The following SESN1 variants were observed in gnomAD, a reference collection of about 807,000 sequenced individuals.
SESN1 encodes the protein sestrin-1.
Under a neutral mutation model 59.3 loss-of-function variants are expected in SESN1, and 30 were observed. That is an observed-to-expected ratio of 0.51 (90% CI 0.38 to 0.69). The LOEUF (loss-of-function observed/expected upper bound fraction) is 0.69. Among genes scored for constraint, SESN1 ranks in the 30% least tolerant of loss-of-function variants. The pLI, the probability that SESN1 is intolerant of heterozygous loss-of-function variation, is 0.00. For missense variants in SESN1, 566 were observed against 673.0 expected (o/e 0.84, Z 1.76); for synonymous variants, 197 against 219.9 (o/e 0.90, Z 0.92).
At chr6:109,055,196 G>A (rs996026363) in intron 1 of SESN1, among the ~76,000 whole-genome samples, 2 of 152,112 alleles carry the variant, frequency 1.3e-5, no homozygotes, top group Non-Finnish European at 2.9e-5. Flanking sequence ...GGGAGGGTAG[G>A]ATAACCCTGG....
intron 1 of SESN1, among the ~76,000 whole-genome samples, chr6:109,066,035 T>C (rs1780819458): frequency 6.6e-6 from 1 of 152,064 alleles, no homozygotes; most frequent in African/African-American, 2.4e-5. Flanking sequence ...CCATACTCAG[T>C]GAAAGGTAAA....
chr6:109,045,917 C>T (rs932978399), intron 1 of SESN1, among the ~76,000 whole-genome samples: 5 of 152,154 alleles, frequency 3.3e-5, no homozygotes, highest in African/African-American at 9.7e-5. Context: ...TGGAAGAACT[C>T]TGATTGAAAA....
intron 1 of SESN1, among the ~76,000 whole-genome samples, chr6:109,074,105 C>T (rs988017996): frequency 1.3e-5 from 2 of 152,152 alleles, no homozygotes; most frequent in Non-Finnish European, 2.9e-5. Flanking sequence ...TTACAATTGC[C>T]TATTCATTAC....
intron 1 of SESN1, among the ~76,000 whole-genome samples, chr6:109,037,587 T>G (rs577064106): frequency 6.6e-6 from 1 of 152,302 alleles, no homozygotes; most frequent in East Asian, 1.9e-4. Flanking sequence ...AGAATAGATT[T>G]GGAGCATCTA....
Position 109,074,559 on chromosome 6 carries a change from T to C in SESN1, c.279+19236A>G, listed in dbSNP as rs142809552. Among the ~76,000 whole-genome samples, 1,196 of 152,328 alleles carry C rather than the reference T, an allele frequency of 7.9e-3. 21 individuals carry two copies. Among genetic ancestry groups the C allele is most frequent in the African/African-American group, 0.028 (1,146 of 41,592 alleles). On this transcript the variant is annotated intron_variant, in intron 1 of 9. Coordinates refer to ENST00000436639, the MANE Select transcript of SESN1 (RefSeq NM_014454.3). The stretch of plus-strand genomic sequence containing the variant: ...CAATAGCCAAAATACATAAGAATTA[T>C]GGTTTATAAAGTGAAAAAAGACAAA...
Position 108,987,590 on chromosome 6 carries a change from G to T in SESN1, c.1610C>A (p.Ala537Glu). 1 of 1,605,084 alleles carries T rather than the reference G, an allele frequency of 6.2e-7. No homozygotes were observed. The change falls in exon 10 of 10, where the codon GCA becomes GAA. Residue 537 changes from alanine to glutamate, a missense_variant. Transcript: ENST00000436639. ...GGCTCTCAGAGCATAAAGGAGTTCTGCTTGCATCCTAGCTTCTATAAGAAG... is the reference window on the plus strand; with the variant it reads ...GGCTCTCAGAGCATAAAGGAGTTCTTCTTGCATCCTAGCTTCTATAAGAAG... ...NLLLIEARMQAELLYALRAIT... is the reference protein window; with the variant it reads ...NLLLIEARMQEELLYALRAIT...
Position 108,984,339 on chromosome 6 carries a change from A to C in SESN1, c.*3205T>G, listed in dbSNP as rs1779124215. On this transcript the variant is annotated 3_prime_UTR_variant, in exon 10 of 10. Transcript: ENST00000436639. The stretch of plus-strand genomic sequence containing the variant: ...TATAGATAACAGAAATTTATTGCTC[A>C]CAGTTTTGGAGGCTGGGAAGTCCGA... Among the ~76,000 whole-genome samples, 1 of 149,136 alleles carries C rather than the reference A, an allele frequency of 6.7e-6. No individual in the cohort carries two copies.
In SESN1 at chr6:109,029,178, T is replaced by G. The variant is rs183493145; in HGVS notation, c.280-26835A>C. Among the ~76,000 whole-genome samples, 884 of 152,232 alleles carry G rather than the reference T, an allele frequency of 5.8e-3. 3 individuals carry two copies. The highest frequency in any genetic ancestry group is 8.6e-3 in the Non-Finnish European group (586 of 67,990). ...CTAAAAGAGGAGGAATGATCCTAAA[T>G]TTTACAAAGAATTTCAAAGACCTAC... On this transcript the variant is annotated intron_variant, in intron 1 of 9. Coordinates refer to ENST00000436639, the MANE Select transcript of SESN1 (RefSeq NM_014454.3).
At chr6:109,015,304 T>C (rs1193329340) in intron 1 of SESN1, among the ~76,000 whole-genome samples, 1 of 152,154 alleles carries the variant, frequency 6.6e-6, no homozygotes, top group East Asian at 1.9e-4. Flanking sequence ...ATTTTTTCTT[T>C]GATATTTCTG....
chr6:109,009,710 G>A (rs1779821873), intron 1 of SESN1, among the ~76,000 whole-genome samples: 1 of 152,074 alleles, frequency 6.6e-6, no homozygotes, highest in Non-Finnish European at 1.5e-5. Flanking sequence ...GTCTGACGCG[G>A]CGAGGTGAAA....
At chr6:109,031,485 A>C (rs1780181429) in intron 1 of SESN1, among the ~76,000 whole-genome samples, 1 of 152,100 alleles carries the variant, frequency 6.6e-6, no homozygotes, top group Admixed American at 6.5e-5. Flanking sequence ...CCTCCCTCTG[A>C]GTTCAAGTCT....
Position 108,985,456 on chromosome 6 carries a change from T to G in SESN1, c.*2088A>C, listed in dbSNP as rs902620465. On this transcript the variant is annotated 3_prime_UTR_variant, in exon 10 of 10. Coordinates refer to ENST00000436639, the MANE Select transcript of SESN1 (RefSeq NM_014454.3). Reference sequence around the variant, plus strand: ...GGTTTCAAAGATTATATAGTAACATTAGAAATCCTGTGTGTTTAGTTTTGA... The same window carrying G: ...GGTTTCAAAGATTATATAGTAACATGAGAAATCCTGTGTGTTTAGTTTTGA... Among the ~76,000 whole-genome samples, 1 of 152,162 alleles carries G rather than the reference T, an allele frequency of 6.6e-6. No homozygotes were observed. The highest frequency in any genetic ancestry group is 1.5e-5 in the Non-Finnish European group (1 of 68,026).
At chr6:109,038,202 G>C (rs892950078) in intron 1 of SESN1, among the ~76,000 whole-genome samples, 1 of 152,188 alleles carries the variant, frequency 6.6e-6, no homozygotes, top group African/African-American at 2.4e-5. Context: ...GTATAAAAAA[G>C]CACAAGCCAG....
chr6:109,057,374 GGGC>G (rs1327338339), intron 1 of SESN1, among the ~76,000 whole-genome samples: 1 of 152,138 alleles, frequency 6.6e-6, no homozygotes, highest in African/African-American at 2.4e-5. Context: ...GGATGGCAGA[GGGC>G]TTTTATTAAT....
At chr6:108,993,902 G>C (rs1779445844) in intron 6 of SESN1, among the ~76,000 whole-genome samples, 1 of 151,894 alleles carries the variant, frequency 6.6e-6, no homozygotes, top group Non-Finnish European at 1.5e-5. Context: ...TTTAACTCTA[G>C]AAGCAATCTT....
intron 1 of SESN1, among the ~76,000 whole-genome samples, chr6:109,003,460 C>T (rs1191550762): frequency 6.6e-6 from 1 of 152,050 alleles, no homozygotes; most frequent in East Asian, 1.9e-4. Flanking sequence ...TAAAGCAGAA[C>T]AGGCTTTTAA....
intron 9 of SESN1, 24 bp downstream of exon 9, chr6:108,988,519 A>G (rs1396710694): frequency 5.1e-6 from 8 of 1,581,884 alleles, no homozygotes; most frequent in Non-Finnish European, 6.9e-6. Flanking sequence ...GTTACAAAGT[A>G]AATAAGCCAC....
At chr6:109,071,484 G>C (rs955456661) in intron 1 of SESN1, among the ~76,000 whole-genome samples, 2 of 151,752 alleles carry the variant, frequency 1.3e-5, no homozygotes, top group Admixed American at 1.3e-4. Context: ...TAACTTCCTC[G>C]AGGTTAGACA....
chr6:109,033,217 G>A (rs565319301), intron 1 of SESN1, among the ~76,000 whole-genome samples: 1 of 152,166 alleles, frequency 6.6e-6, no homozygotes, highest in Admixed American at 6.5e-5. Flanking sequence ...GCTAAAGAGA[G>A]TGCAGTGGTC....
Sources: gnomAD v4.1 joint callset for allele counts (sites outside exome capture counted in the v4.1 genomes callset) on GRCh38, gnomAD v4.1.1 for gene constraint, MANE v1.5 for transcripts, NCBI Gene and HGNC (gene_info 2026-07-23, HGNC 2026-07-21) for gene names.